Variants in EPHA6 observed in about 807,000 individuals in gnomAD.
EPHA6 encodes the protein ephrin type-A receptor 6.
Under a neutral mutation model 112.0 loss-of-function variants are expected in EPHA6, and 50 were observed. The observed-to-expected ratio is 0.45, with a 90% CI of 0.36 to 0.56. The LOEUF (loss-of-function observed/expected upper bound fraction) is 0.56. Among genes scored for constraint, EPHA6 ranks in the 20% least tolerant of loss-of-function variants. The pLI, the probability that EPHA6 is intolerant of heterozygous loss-of-function variation, is 0.00. For synonymous variants in EPHA6, 529 were observed against 490.7 expected, an observed-to-expected ratio of 1.08 and a Z score of -1.03; for missense variants, 1,280 against 1,417.4, an observed-to-expected ratio of 0.90 and a Z score of 1.56.
At chr3:97,020,766 T>C (rs2044429851) in intron 3 of EPHA6, among the ~76,000 whole-genome samples, 1 of 152,192 alleles carries the variant, frequency 6.6e-6, no homozygotes. Flanking sequence ...TTTAGGTTTT[T>C]TTAAATTGTT....
At chr3:97,141,783 G>T (rs897471473) in intron 3 of EPHA6, among the ~76,000 whole-genome samples, 6 of 151,678 alleles carry the variant, frequency 4.0e-5, no homozygotes, top group Non-Finnish European at 8.8e-5. Context: ...AGAAAAACAA[G>T]AACAAATCAA....
chr3:97,596,355 G>C (rs937688855), intron 12 of EPHA6, among the ~76,000 whole-genome samples: 1 of 152,120 alleles, frequency 6.6e-6, no homozygotes, highest in African/African-American at 2.4e-5. Context: ...TCTTAGACTA[G>C]TGGATCACAT....
intron 5 of EPHA6, among the ~76,000 whole-genome samples, chr3:97,348,961 T>C (rs2108886191): frequency 6.6e-6 from 1 of 152,232 alleles, no homozygotes; most frequent in South Asian, 2.1e-4. Context: ...TAAAATACCT[T>C]AACAAATGAG....
intron 5 of EPHA6, among the ~76,000 whole-genome samples, chr3:97,387,316 G>GT (rs1451719738): frequency 0.092 from 12,104 of 132,094 alleles, 909 homozygotes; most frequent in African/African-American, 0.21. Flanking sequence ...TTACAATTCA[G>GT]TTTTTTTTTT....
chr3:96,841,224 T>C (rs960739822), intron 1 of EPHA6, among the ~76,000 whole-genome samples: 1 of 152,048 alleles, frequency 6.6e-6, no homozygotes, highest in Non-Finnish European at 1.5e-5. Flanking sequence ...AGACAAATGG[T>C]TGTACTCTTT....
At chr3:97,672,132 C>A (rs1442173653) in intron 14 of EPHA6, among the ~76,000 whole-genome samples, 1 of 152,202 alleles carries the variant, frequency 6.6e-6, no homozygotes, top group Non-Finnish European at 1.5e-5. Flanking sequence ...TTATATCATT[C>A]ATTTCCTGCC....
intron 5 of EPHA6, among the ~76,000 whole-genome samples, chr3:97,395,547 A>G (rs1210457946): frequency 6.6e-6 from 1 of 151,812 alleles, no homozygotes; most frequent in African/African-American, 2.4e-5. Context: ...TCTGCTTTGC[A>G]ATTATACCCG....
intron 3 of EPHA6, among the ~76,000 whole-genome samples, chr3:97,003,637 A>G (rs1225132536): frequency 6.6e-6 from 1 of 152,122 alleles, no homozygotes; most frequent in Non-Finnish European, 1.5e-5. Context: ...TTTAAAAATG[A>G]TTTGCTTTCC....
At chr3:97,727,437 C>T (rs1281714804) in intron 15 of EPHA6, among the ~76,000 whole-genome samples, 1 of 151,952 alleles carries the variant, frequency 6.6e-6, no homozygotes, top group Non-Finnish European at 1.5e-5. Context: ...ATTCTATAAC[C>T]TTTCTCAGTT....
At chr3:97,449,418 A>G (rs77926490) in intron 7 of EPHA6, among the ~76,000 whole-genome samples, 4,673 of 152,236 alleles carry the variant, frequency 0.031, 177 homozygotes, top group African/African-American at 0.098. Flanking sequence ...GTGGTCAAAT[A>G]TATAAGAAAA....
At chr3:97,641,491 G>A (rs532399892) in intron 14 of EPHA6, among the ~76,000 whole-genome samples, 31 of 152,304 alleles carry the variant, frequency 2.0e-4, no homozygotes, top group Admixed American at 1.6e-3. Flanking sequence ...CGTGAGCGAC[G>A]CAGAAGACGG....
At chr3:97,433,900 T>C (rs1246266120) in intron 6 of EPHA6, among the ~76,000 whole-genome samples, 6 of 152,090 alleles carry the variant, frequency 3.9e-5, no homozygotes, top group Non-Finnish European at 2.9e-5. Context: ...AGATGGTTAC[T>C]ACCCCCATGG....
intron 5 of EPHA6, among the ~76,000 whole-genome samples, chr3:97,397,320 G>A (rs1264028625): frequency 2.6e-5 from 4 of 151,538 alleles, no homozygotes; most frequent in African/African-American, 9.6e-5. Flanking sequence ...AAATGTATAT[G>A]CTATATTTTC....
chr3:96,865,014 A>T (rs896344221), intron 1 of EPHA6, among the ~76,000 whole-genome samples: 1 of 152,130 alleles, frequency 6.6e-6, no homozygotes, highest in Non-Finnish European at 1.5e-5. Flanking sequence ...GTAAAAATGT[A>T]TACAAGAAAC....
At chr3:97,153,200 A>C (rs1015473863) in intron 3 of EPHA6, among the ~76,000 whole-genome samples, 3 of 152,120 alleles carry the variant, frequency 2.0e-5, no homozygotes, top group African/African-American at 7.2e-5. Context: ...ATGGAAAGTC[A>C]ATGCTTATAA....
chr3:97,428,024 AC>A (rs2089267975), intron 6 of EPHA6, among the ~76,000 whole-genome samples: 1 of 151,930 alleles, frequency 6.6e-6, no homozygotes, highest in African/African-American at 2.4e-5. Context: ...TATGTAACAA[AC>A]CTGCACATGT....
intron 6 of EPHA6, among the ~76,000 whole-genome samples, chr3:97,416,307 T>G (rs893473500): frequency 1.3e-5 from 2 of 152,082 alleles, no homozygotes; most frequent in Non-Finnish European, 2.9e-5. Context: ...CAAGACTTTT[T>G]GGCAATCTAA....
intron 2 of EPHA6, among the ~76,000 whole-genome samples, chr3:96,889,109 T>C (rs1446247495): frequency 6.6e-6 from 1 of 152,170 alleles, no homozygotes; most frequent in Non-Finnish European, 1.5e-5. Flanking sequence ...AAGTTCCTCA[T>C]TTGCATCTGA....
chr3:97,044,836 G>T (rs1333525984), intron 3 of EPHA6, among the ~76,000 whole-genome samples: 6 of 151,822 alleles, frequency 4.0e-5, no homozygotes, highest in Admixed American at 3.9e-4. Flanking sequence ...AAAAAGTGGA[G>T]GTAAACTATA....
Sources: gnomAD v4.1 joint callset for allele counts (sites outside exome capture counted in the v4.1 genomes callset) on GRCh38, gnomAD v4.1.1 for gene constraint, MANE v1.5 for transcripts, NCBI Gene and HGNC (gene_info 2026-07-23, HGNC 2026-07-21) for gene names.